The following PPFIA1 variants were observed in gnomAD, a reference collection of about 807,000 sequenced individuals.
The protein encoded by PPFIA1 is liprin-alpha-1.
PPFIA1 carries 25 observed loss-of-function variants against 149.9 expected under a neutral mutation model. That is an observed-to-expected ratio of 0.17 (90% CI 0.12 to 0.23). The LOEUF is 0.23. PPFIA1 is among the 10% of genes least tolerant of loss of function. PPFIA1 has a pLI of 1.00. For missense variants in PPFIA1, 1,362 were observed against 1,506.5 expected, an observed-to-expected ratio of 0.90 and a Z score of 1.59; for synonymous variants, 549 against 552.8, an observed-to-expected ratio of 0.99 and a Z score of 0.10.
chr11:70,372,215 A>G lies in PPFIA1; in HGVS notation c.2866A>G (p.Thr956Ala), dbSNP rs147198550. 8.6e-4 allele frequency: 1,370 copies of G among 1,599,864 alleles called. 2 individuals are homozygous for G. Among genetic ancestry groups the G allele is most frequent in the Non-Finnish European group, 1.1e-3 (1,299 of 1,174,320 alleles). Residue 956 changes from threonine (T) to alanine (A), a missense_variant and splice_region_variant, in exon 22 of 28, where the codon ACA (threonine) becomes GCA (alanine). By Grantham distance (58) the Thr-to-Ala change is moderately conservative (BLOSUM62 0). Around this residue, in one of 7 missense-constraint regions of PPFIA1, gnomAD observed 349 missense variants for 373.3 expected, o/e 0.93. Transcript: ENST00000253925. ...GACCTTTTCCATTTATGAAAAGCAG[A>G]CACTCGCCTATGGGGACATGAACCA... ...SPSAPPTSRTTLAYGDMNHEW... is the reference protein window; with the variant it reads ...SPSAPPTSRTALAYGDMNHEW...
chr11:70,278,874 G>GT (rs1293726030), intron 2 of PPFIA1: 17 of 504,016 alleles, frequency 3.4e-5, no homozygotes, highest in Non-Finnish European at 6.1e-5. Context: ...CTGGTAGAGT[G>GT]TTTAGGGTCC....
chr11:70,303,903 G>T (rs909125197), intron 2 of PPFIA1, among the ~76,000 whole-genome samples: 7 of 152,238 alleles, frequency 4.6e-5, no homozygotes, highest in Non-Finnish European at 7.3e-5. Flanking sequence ...CTACTCCGGA[G>T]GCTGAGGCAG....
Position 70,310,894 on chromosome 11 carries a change from G to A in PPFIA1, c.265-13508G>A, listed in dbSNP as rs780811765. On this transcript the variant is annotated intron_variant, in intron 2 of 27. Coordinates refer to ENST00000253925, the MANE Select transcript of PPFIA1 (RefSeq NM_003626.5). ...ATCCACAGGCCAAGGACCCAGTATCGGGAGAGCAGAGAGGCCGAGGACACA... is the reference window on the plus strand; with the variant it reads ...ATCCACAGGCCAAGGACCCAGTATCAGGAGAGCAGAGAGGCCGAGGACACA... Among the ~76,000 whole-genome samples, 84 of 152,200 alleles carry A rather than the reference G, an allele frequency of 5.5e-4. 1 individual carries two copies. Among genetic ancestry groups the A allele is most frequent in the Non-Finnish European group, 1.1e-3 (73 of 68,014 alleles).
chr11:70,308,276 G>C (rs11235823), intron 2 of PPFIA1, among the ~76,000 whole-genome samples: 2,245 of 152,272 alleles, frequency 0.015, 53 homozygotes, highest in African/African-American at 0.052. Flanking sequence ...TCAAACTCCC[G>C]ACCTCAAGTG....
intron 21 of PPFIA1, chr11:70,367,545 C>G (rs1171047840): frequency 2.2e-6 from 1 of 455,952 alleles, no homozygotes; most frequent in African/African-American, 2.0e-5. Flanking sequence ...CAGTGGGTGT[C>G]TCTTCTAGTT....
At chr11:70,354,776 A>C (rs2056263973) in intron 17 of PPFIA1, among the ~76,000 whole-genome samples, 1 of 152,008 alleles carries the variant, frequency 6.6e-6, no homozygotes, top group Non-Finnish European at 1.5e-5. Context: ...TTTGGCAAGC[A>C]GATGACAGGC....
rs549684526 is a variant in PPFIA1 at position 70,372,392 on chromosome 11, TA to T, written c.3041+4del. 9.1e-3 allele frequency: 14,645 copies of T among 1,614,142 alleles called. 106 individuals carry two copies. Among genetic ancestry groups the T allele is most frequent in the Non-Finnish European group, 0.011 (13,569 of 1,179,974 alleles). On this transcript the variant is annotated splice_donor_region_variant and intron_variant, in intron 22 of 27. Transcript: ENST00000253925. ...GAAAATGGTCGACAGTTTTCACAGGTAACTTAATGGAGATAGTTCTTAATAA... is the reference window on the plus strand; with the variant it reads ...GAAAATGGTCGACAGTTTTCACAGGTACTTAATGGAGATAGTTCTTAATAA...
intron 19 of PPFIA1, among the ~76,000 whole-genome samples, chr11:70,360,244 A>T (rs2056570135): frequency 6.6e-6 from 1 of 152,280 alleles, no homozygotes; most frequent in Non-Finnish European, 1.5e-5. Flanking sequence ...AAAGCTAGTG[A>T]TCATTGCCAG....
chr11:70,373,701 T>C (rs577125493), intron 23 of PPFIA1: 1 of 152,338 alleles, frequency 6.6e-6, no homozygotes, highest in South Asian at 2.1e-4. Flanking sequence ...CTTTCTTTCA[T>C]CTTTACCTTA....
chr11:70,344,194 T>G (rs2055536047), intron 15 of PPFIA1, among the ~76,000 whole-genome samples: 1 of 152,186 alleles, frequency 6.6e-6, no homozygotes. Context: ...CTGAAGGGGC[T>G]CAGCCCAGCT....
At chr11:70,287,948 T>A (rs946787292) in intron 2 of PPFIA1, among the ~76,000 whole-genome samples, 2 of 151,984 alleles carry the variant, frequency 1.3e-5, no homozygotes, top group Non-Finnish European at 1.5e-5. Context: ...TAACAACTTG[T>A]ATGGTTAGAT....
At chr11:70,335,444 G>C in intron 10 of PPFIA1, 119 bp from the exon 11 acceptor site, 1 of 1,186,728 alleles carries the variant, frequency 8.4e-7, no homozygotes, top group Non-Finnish European at 1.2e-6. Context: ...ATGGCAGTGT[G>C]GGGAGCAACT....
At chr11:70,368,717 C>G (rs1565457224) in intron 21 of PPFIA1, among the ~76,000 whole-genome samples, 1 of 152,214 alleles carries the variant, frequency 6.6e-6, no homozygotes, top group Non-Finnish European at 1.5e-5. Context: ...GCCTTGCATC[C>G]TGCAACTTTG....
At position 70,348,296 on chromosome 11, in the gene PPFIA1, C is replaced by G. The variant is rs762117250; in HGVS notation, c.2039C>G (p.Ser680Cys). The G allele has an allele frequency of 2.5e-6, 4 of 1,614,070 alleles. No individual in the cohort carries two copies. The highest frequency in any genetic ancestry group is 1.3e-5 in the African/African-American group (1 of 74,930). ...CTTGGTCGTTTTAGATCAATGAGCT[C>G]CATTCCCCCCTACCCTGCTTCCTCG... ...DNLGRFRSMS[S>C]IPPYPASSLA... Residue 680 changes from serine (S) to cysteine (C), a missense_variant, in exon 16 of 28, where the codon TCC becomes TGC. By Grantham distance (112) the Ser-to-Cys change is moderately radical. This residue lies in a region of PPFIA1 where 733 missense variants were observed against 744.1 expected (regional missense o/e 0.99). Transcript: ENST00000253925.
At chr11:70,297,880 C>T (rs2052187871) in intron 2 of PPFIA1, among the ~76,000 whole-genome samples, 1 of 152,226 alleles carries the variant, frequency 6.6e-6, no homozygotes, top group Middle Eastern at 3.2e-3. Context: ...GACCATTTCC[C>T]ATCCATAGGA....
chr11:70,322,789 A>G, intron 2 of PPFIA1, among the ~76,000 whole-genome samples: 1 of 152,188 alleles, frequency 6.6e-6, no homozygotes, highest in South Asian at 2.1e-4. Flanking sequence ...AGTTCAGTGA[A>G]TGCTAGATTC....
At chr11:70,279,284 T>A in intron 2 of PPFIA1, 1 of 244,166 alleles carries the variant, frequency 4.1e-6, no homozygotes, top group Non-Finnish European at 8.0e-6. Flanking sequence ...CTTCCCAGCC[T>A]TACTGCCAGC....
intron 23 of PPFIA1, among the ~76,000 whole-genome samples, chr11:70,373,219 A>G (rs184519161): frequency 4.0e-5 from 6 of 151,828 alleles, no homozygotes; most frequent in South Asian, 2.1e-4. Context: ...TTGTTTGTTT[A>G]TTTATTTATT....
chr11:70,361,951 G>A, intron 19 of PPFIA1, 144 bp from the exon 20 acceptor site: 1 of 677,952 alleles, frequency 1.5e-6, no homozygotes, highest in Non-Finnish European at 2.5e-6. Flanking sequence ...TGTAGAGTTG[G>A]GGTCTCGCTG....
Sources: gnomAD v4.1 joint callset for allele counts (sites outside exome capture counted in the v4.1 genomes callset) on GRCh38, gnomAD v4.1.1 for gene constraint, gnomAD v4.1.1 regional missense constraint, MANE v1.5 for transcripts, NCBI Gene and HGNC (gene_info 2026-07-23, HGNC 2026-07-21) for gene names.